The following GBP5 variants were observed in gnomAD, a reference collection of about 807,000 sequenced individuals.
The protein encoded by GBP5 is guanylate-binding protein 5.
A neutral mutation model predicts 58.2 loss-of-function variants in GBP5; 48 were observed. The ratio of observed to expected loss-of-function variants is 0.83; its 90% CI spans 0.65 to 1.05. GBP5 has a LOEUF of 1.05. Ranked by LOEUF, GBP5 falls within the 50% of genes least tolerant of loss-of-function variation. GBP5 has a pLI of 0.00. For missense variants in GBP5, 714 were observed against 686.8 expected, an observed-to-expected ratio of 1.04 and a Z score of -0.44; for synonymous variants, 248 against 251.8, an observed-to-expected ratio of 0.98 and a Z score of 0.14.
chr1:89,266,569 T>C lies in GBP5; in HGVS notation c.645A>G (p.Gln215=), dbSNP rs1289092823. 1.9e-6 allele frequency: 3 copies of C among 1,612,662 alleles called. No individual in the cohort carries two copies. Among genetic ancestry groups the C allele is most frequent in the African/African-American group, 1.3e-5 (1 of 74,974 alleles). The stretch of plus-strand genomic sequence containing the variant: ...TACACAGACGGGGCAAATTGAAATT[T>C]TGAACTCTTTGATCACTACCTGGAG... ...RPKQGSDQRV[Q]NFNLPRLCIQ... is the part of the protein sequence containing the mutation. Residue 215 remains glutamine (Q), a synonymous_variant, in exon 7 of 12, where the codon CAA becomes CAG. Coordinates refer to ENST00000370459, the MANE Select transcript of GBP5 (RefSeq NM_052942.5).
At chr1:89,272,068 T>C (rs1650478439) in intron 1 of GBP5, 1 of 152,236 alleles carries the variant, frequency 6.6e-6, no homozygotes, top group African/African-American at 2.4e-5. Context: ...TCATTGTTCT[T>C]TCTCATGAAA....
Position 89,264,889 on chromosome 1 carries a change from C to T in GBP5, c.946G>A (p.Ala316Thr). 6.2e-7 allele frequency: 1 copy of T among 1,614,176 alleles called. No individual in the cohort carries two copies. The highest frequency in any genetic ancestry group is 1.1e-5 in the South Asian group (1 of 91,088). Residue 316 changes from alanine to threonine, a missense_variant, in exon 8 of 12, where the codon GCC (alanine) becomes ACC (threonine). Physicochemically the swap from Ala to Thr is moderately conservative, Grantham distance 58 (BLOSUM62 0). Coordinates refer to ENST00000370459, the MANE Select transcript of GBP5 (RefSeq NM_052942.5). ...DLPCIENAVL[A>T]LAQRENSAAV... Reference sequence around the variant, plus strand: ...GCTGAGTTCTCTCTCTGAGCCAAGGCCAGGACTGCATTCTCTATGCAAGGC... The same window carrying T: ...GCTGAGTTCTCTCTCTGAGCCAAGGTCAGGACTGCATTCTCTATGCAAGGC...
chr1:89,262,064 ATACT>A, intron 11 of GBP5, 152 bp downstream of exon 11: 1 of 689,966 alleles, frequency 1.4e-6, no homozygotes, highest in Non-Finnish European at 2.5e-6. Flanking sequence ...CCTAAACCAT[ATACT>A]TACTAAGAGG....
intron 4 of GBP5, 52 bp from the exon 5 acceptor site, chr1:89,267,578 G>T (rs760424517): frequency 7.3e-6 from 8 of 1,098,402 alleles, no homozygotes; most frequent in South Asian, 1.3e-5. Flanking sequence ...CCAGATGAGC[G>T]ATATTTAAAA....
In GBP5 at chr1:89,267,431, A is replaced by C; in HGVS notation, c.414T>G (p.Ala138=). The C allele has an allele frequency of 6.2e-7, 1 of 1,611,892 alleles. No homozygotes were observed. Among genetic ancestry groups the C allele is most frequent in the Non-Finnish European group, 8.5e-7 (1 of 1,177,946 alleles). ...YNTVNKIDQG[A]IDLLHNVTEL... is the part of the protein sequence containing the mutation. ...CAAAAGGATACTGCAGTAGGTCGATAGCACCCTGATCAATTTTGTTCACAG... is the reference window on the plus strand; with the variant it reads ...CAAAAGGATACTGCAGTAGGTCGATCGCACCCTGATCAATTTTGTTCACAG... Residue 138 remains alanine (A), a synonymous_variant, in exon 5 of 12, where the codon GCT becomes GCG. Transcript: ENST00000370459.
intron 11 of GBP5, chr1:89,261,975 T>A: frequency 2.1e-6 from 1 of 476,348 alleles, no homozygotes; most frequent in Non-Finnish European, 3.7e-6. Context: ...ATTATCAAAA[T>A]AACCCTATAA....
At position 89,263,907 on chromosome 1, in the gene GBP5, G is replaced by A. The variant is rs575225482; in HGVS notation, c.1191C>T (p.Asn397=). 17 of 1,611,928 alleles carry A rather than the reference G, an allele frequency of 1.1e-5. No homozygotes were observed. In the South Asian group the frequency reaches 1.8e-4, roughly 17 times the overall value. Residue 397 remains asparagine (N), a synonymous_variant, in exon 9 of 12, where the codon AAC becomes AAT. Coordinates refer to ENST00000370459, the MANE Select transcript of GBP5 (RefSeq NM_052942.5). The part of the protein sequence containing the change: ...DAKQNDICKR[N]LEASSDYCSA... ...AGCAATAATCCGAGGATGCTTCCAG[G>A]TTCCGTTTACAAATGTCATTCTGTT...
chr1:89,262,253 T>C lies in GBP5; in HGVS notation c.1614A>G (p.Ala538=). 1 of 1,614,226 alleles carries C rather than the reference T, an allele frequency of 6.2e-7. No homozygotes were observed. The highest frequency in any genetic ancestry group is 8.5e-7 in the Non-Finnish European group (1 of 1,180,020). Reference sequence around the variant, plus strand: ...GTTGTTCCTGCATTTTCTGTTGCTCTGCCAGCCAATTTTGTTTGGCTATCT... The same window carrying C: ...GTTGTTCCTGCATTTTCTGTTGCTCCGCCAGCCAATTTTGTTTGGCTATCT... ...QMEIAKQNWL[A]EQQKMQEQQM... is the part of the protein sequence containing the mutation. The change falls in exon 11 of 12, where the codon GCA becomes GCG. Residue 538 remains alanine, a synonymous_variant. Coordinates refer to ENST00000370459, the MANE Select transcript of GBP5 (RefSeq NM_052942.5).
intron 11 of GBP5, among the ~76,000 whole-genome samples, chr1:89,261,444 G>C (rs1219494895): frequency 6.6e-6 from 1 of 152,160 alleles, no homozygotes; most frequent in African/African-American, 2.4e-5. Context: ...TTTTACACCA[G>C]GTCTGAAGAA....
Position 89,267,139 on chromosome 1 carries a change from A to C in GBP5, c.443T>G (p.Leu148Arg), listed in dbSNP as rs1264260774. 1.8e-5 allele frequency: 28 copies of C among 1,593,900 alleles called. No homozygotes were observed. The highest frequency in any genetic ancestry group is 2.3e-5 in the Non-Finnish European group (27 of 1,173,180). Residue 148 changes from leucine to arginine, a missense_variant, in exon 6 of 12, where the codon CTG (leucine) becomes CGG (arginine). Leu to Arg is a moderately radical substitution (Grantham distance 102). Transcript: ENST00000370459. ...AIDLLHNVTE[L>R]TDLLKARNSP... ...GTTTCTTGCCTTGAGCAGATCTGTC[A>C]GTTCTGTCACATTGCTGAGATGCAA...
At position 89,259,593 on chromosome 1, in the gene GBP5, G is replaced by C. The variant is rs533021282; in HGVS notation, c.*1111C>G. 1 of 152,258 alleles carries C rather than the reference G, an allele frequency of 6.6e-6. No homozygotes were observed. The highest frequency in any genetic ancestry group is 2.4e-5 in the African/African-American group (1 of 41,536). The allele number at this position is 152,258 out of a possible 1,614,324, so 9.4% of individuals were successfully genotyped here. On this transcript the variant is annotated 3_prime_UTR_variant, in exon 12 of 12. Coordinates refer to ENST00000370459, the MANE Select transcript of GBP5 (RefSeq NM_052942.5). ...GTCAAGTTCCTTCCGACTGAGCCCA[G>C]TTAGGGACACCCTGCCCCCAGAGGA...
At position 89,260,726 on chromosome 1, in the gene GBP5, T is replaced by C. The variant is rs201853294; in HGVS notation, c.1739A>G (p.Asp580Gly). The part of the protein sequence containing the change: ...LQHAQRTVNN[D>G]DPCVLL ...ACTTTAGAGTAAAACACATGGATCA[T>C]CGTTATTAACAGTCCTCTGGGCGTG... The change falls in exon 12 of 12, where the codon GAT becomes GGT. Residue 580 changes from aspartate to glycine, a missense_variant. Coordinates refer to ENST00000370459, the MANE Select transcript of GBP5 (RefSeq NM_052942.5). The C allele has an allele frequency of 1.1e-5, 18 of 1,613,160 alleles. No individual in the cohort carries two copies. The highest frequency in any genetic ancestry group is 7.7e-5 in the South Asian group (7 of 91,034).
intron 7 of GBP5, among the ~76,000 whole-genome samples, chr1:89,265,335 C>T (rs1244661849): frequency 6.6e-6 from 1 of 151,790 alleles, no homozygotes; most frequent in East Asian, 1.9e-4. Flanking sequence ...TTTCTCTCAG[C>T]TTTCTGTTCT....
Position 89,260,805 on chromosome 1 carries a change from G to C in GBP5, c.1660C>G (p.Gln554Glu). 1 of 1,613,296 alleles carries C rather than the reference G, an allele frequency of 6.2e-7. No homozygotes were observed. The highest frequency in any genetic ancestry group is 8.5e-7 in the Non-Finnish European group (1 of 1,179,232). ...TGAGCTTGGAATGTTGTGCTGAGCT[G>C]TGCAGCCTGTTCCTAAAGAGTGATA... ...QEQQMQEQAA[Q>E]LSTTFQAQNR... The change falls in exon 12 of 12, where the codon CAG becomes GAG. Residue 554 changes from glutamine to glutamate, a missense_variant. Coordinates refer to ENST00000370459, the MANE Select transcript of GBP5 (RefSeq NM_052942.5).
chr1:89,268,616 T>G, intron 4 of GBP5, 113 bp downstream of exon 4: 1 of 992,898 alleles, frequency 1.0e-6, no homozygotes, highest in Non-Finnish European at 1.6e-6. Context: ...AGGAAAACAA[T>G]GGGGGTATAC....
chr1:89,270,538 T>C (rs1650401558), intron 2 of GBP5: 1 of 152,192 alleles, frequency 6.6e-6, no homozygotes, highest in African/African-American at 2.4e-5. Context: ...TCATAGCTAA[T>C]GCCCTGGAAA....
In GBP5 at chr1:89,259,310, C is replaced by G. The variant is rs1366114676; in HGVS notation, c.*1394G>C. The stretch of plus-strand genomic sequence containing the variant: ...TTCTTTAGCCCTTAAGCCTATGACA[C>G]AATTTCCATGCTGGTAATTCCTTTC... On this transcript the variant is annotated 3_prime_UTR_variant, in exon 12 of 12. Coordinates refer to ENST00000370459, the MANE Select transcript of GBP5 (RefSeq NM_052942.5). The G allele has an allele frequency of 6.6e-6, 1 of 152,202 alleles. No individual in the cohort carries two copies. The highest frequency in any genetic ancestry group is 1.5e-5 in the Non-Finnish European group (1 of 68,036). The allele number at this position is 152,202 out of a possible 1,614,324, so 9.4% of individuals were successfully genotyped here. A position where few individuals can be genotyped will look rare whatever the true frequency, so the allele number is the denominator to read the frequency against.
At position 89,259,366 on chromosome 1, in the gene GBP5, C is replaced by A. The variant is rs1194910848; in HGVS notation, c.*1338G>T. On this transcript the variant is annotated 3_prime_UTR_variant, in exon 12 of 12. Transcript: ENST00000370459. ...CTGAAGAATCTCTATTTTATTATAA[C>A]ATTATTGGCTTTCAGCTTGGAATTT... The A allele has an allele frequency of 6.6e-6, 1 of 152,166 alleles. No homozygotes were observed. Among genetic ancestry groups the A allele is most frequent in the African/African-American group, 2.4e-5 (1 of 41,442 alleles). The allele number at this position is 152,166 out of a possible 1,614,324, so 9.4% of individuals were successfully genotyped here.
At chr1:89,269,314 G>A in intron 3 of GBP5, 52 bp downstream of exon 3, 1 of 1,548,798 alleles carries the variant, frequency 6.5e-7, no homozygotes, top group Non-Finnish European at 8.9e-7. Context: ...ACTGGATGGT[G>A]ACTGTGTGAA....
Sources: gnomAD v4.1 joint callset for allele counts (sites outside exome capture counted in the v4.1 genomes callset) on GRCh38, gnomAD v4.1.1 for gene constraint, MANE v1.5 for transcripts, NCBI Gene and HGNC (gene_info 2026-07-23, HGNC 2026-07-21) for gene names.